ANK3: variants seen among roughly 807,000 people sequenced by gnomAD.
ANK3 encodes ankyrin 3.
In ANK3, 57 loss-of-function variants were observed where a neutral mutation model predicts 370.9. The ratio of observed to expected loss-of-function variants is 0.15; its 90% confidence interval spans 0.12 to 0.19. ANK3 has a LOEUF of 0.19. Ranked by LOEUF, ANK3 falls within the 10% of genes least tolerant of loss-of-function variation. The pLI, the probability that ANK3 is intolerant of heterozygous loss-of-function variation, is 1.00. For missense variants in ANK3, 4,439 were observed against 5,302.1 expected (o/e 0.84, Z 5.06); for synonymous variants, 1,929 against 1,946.3 (o/e 0.99, Z 0.23).
At chr10:60,321,392 G>A (rs1325692848) in intron 1 of ANK3, among the ~76,000 whole-genome samples, 134 of 59,208 alleles carry the variant, frequency 2.3e-3, no homozygotes, top group African/African-American at 7.1e-3. Context: ...AAAAAGAAAA[G>A]AGAAGAGAAG....
intron 2 of ANK3, among the ~76,000 whole-genome samples, chr10:60,428,761 T>C (rs1429274144): frequency 1.3e-5 from 2 of 152,182 alleles, no homozygotes; most frequent in Non-Finnish European, 2.9e-5. Context: ...TCCATGGACA[T>C]AGAACGAACT....
upstream of ANK3, among the ~76,000 whole-genome samples, chr10:60,392,492 A>C (rs1214366032): frequency 6.6e-6 from 1 of 152,190 alleles, no homozygotes; most frequent in Non-Finnish European, 1.5e-5. Context: ...AGGAAACAAC[A>C]GTACAAGGTC....
Position 60,222,846 on chromosome 10 carries a change from T to C in ANK3, c.898-9336A>G, listed in dbSNP as rs2097084623. 3.3e-5 allele frequency among the ~76,000 whole-genome samples: 5 copies of C among 152,298 alleles called. No homozygotes were observed. The South Asian group carries it at 1.0e-3, about 32-fold the overall frequency. On this transcript the variant is annotated intron_variant, in intron 8 of 43. Coordinates refer to ENST00000280772, the MANE Select transcript of ANK3 (RefSeq NM_020987.5). ...CCCACTTCCTACAGGATCCTTACTA[T>C]CTTAGAGCAGAGCATTTCTTTGAAA...
chr10:60,355,011 C>G (rs1347288336), intron 1 of ANK3, among the ~76,000 whole-genome samples: 2 of 152,118 alleles, frequency 1.3e-5, no homozygotes, highest in Admixed American at 6.6e-5. Flanking sequence ...AATCTAAGGA[C>G]AGCTTACAAA....
intron 8 of ANK3, among the ~76,000 whole-genome samples, chr10:60,218,516 G>A (rs760634416): frequency 7.9e-5 from 12 of 152,142 alleles, no homozygotes; most frequent in Non-Finnish European, 1.5e-4. Flanking sequence ...GTCTGTAAAG[G>A]ATTTTACTTC....
intron 2 of ANK3, among the ~76,000 whole-genome samples, chr10:60,448,248 A>G (rs1165759427): frequency 3.9e-5 from 6 of 152,350 alleles, no homozygotes; most frequent in Admixed American, 6.5e-5. Flanking sequence ...GGGAATCGGC[A>G]ATCAGAGAGA....
chr10:60,162,411 T>C, intron 23 of ANK3, among the ~76,000 whole-genome samples: 1 of 152,166 alleles, frequency 6.6e-6, no homozygotes, highest in East Asian at 1.9e-4. Context: ...GTATTTGGGC[T>C]TTCCTACCTC....
intron 2 of ANK3, among the ~76,000 whole-genome samples, chr10:60,593,480 G>T (rs527860428): frequency 6.6e-6 from 1 of 152,062 alleles, no homozygotes; most frequent in African/African-American, 2.4e-5. Context: ...GCAGCTTTAG[G>T]ACAAATAGCC....
intron 2 of ANK3, among the ~76,000 whole-genome samples, chr10:60,510,220 C>CATAT (rs775014294): frequency 1.7e-4 from 26 of 152,004 alleles, no homozygotes; most frequent in Admixed American, 5.9e-4. Flanking sequence ...ACAGAGCTTT[C>CATAT]ATATATATAT....
At chr10:60,250,895 G>T in intron 7 of ANK3, among the ~76,000 whole-genome samples, 1 of 152,220 alleles carries the variant, frequency 6.6e-6, no homozygotes, top group East Asian at 1.9e-4. Context: ...ACAAGAGGCT[G>T]CTGTCAATTC....
At chr10:60,720,054 G>T (rs755235674) in intron 1 of ANK3, among the ~76,000 whole-genome samples, 1 of 152,132 alleles carries the variant, frequency 6.6e-6, no homozygotes, top group Admixed American at 6.5e-5. Flanking sequence ...ATTACAAGAG[G>T]ATGAGAGAAG....
At chr10:60,495,486 T>A (rs1035790294) in intron 2 of ANK3, among the ~76,000 whole-genome samples, 4 of 152,142 alleles carry the variant, frequency 2.6e-5, no homozygotes, top group Non-Finnish European at 4.4e-5. Context: ...TGGCTTGAGT[T>A]CTCATTGAAA....
chr10:60,099,202 TTCTC>T (rs1287494349), intron 28 of ANK3, among the ~76,000 whole-genome samples: 3 of 152,146 alleles, frequency 2.0e-5, no homozygotes, highest in Non-Finnish European at 4.4e-5. Context: ...CAGAAAGTTT[TTCTC>T]TCTCTTGGGT....
intron 2 of ANK3, among the ~76,000 whole-genome samples, chr10:60,557,674 G>A (rs761678044): frequency 1.3e-4 from 20 of 152,048 alleles, no homozygotes; most frequent in Non-Finnish European, 1.3e-4. Flanking sequence ...TAAATTTTAT[G>A]TTATGAGTAT....
At chr10:60,188,174 A>G (rs2096392542) in intron 16 of ANK3, among the ~76,000 whole-genome samples, 1 of 152,232 alleles carries the variant, frequency 6.6e-6, no homozygotes, top group African/African-American at 2.4e-5. Context: ...AATCAAGAGT[A>G]CTAGAGCTTT....
upstream of ANK3, among the ~76,000 whole-genome samples, chr10:60,393,621 C>T (rs1485797901): frequency 6.6e-6 from 1 of 152,160 alleles, no homozygotes; most frequent in African/African-American, 2.4e-5. Context: ...TTAGATATCA[C>T]AGCCAAGTAT....
At chr10:60,465,255 C>A (rs1274016146) in intron 2 of ANK3, among the ~76,000 whole-genome samples, 1 of 138,278 alleles carries the variant, frequency 7.2e-6, no homozygotes, top group Admixed American at 7.5e-5. Flanking sequence ...CAGAGTGAGA[C>A]CTAGTCACCA....
chr10:60,580,171 A>G (rs2077732360), intron 2 of ANK3, among the ~76,000 whole-genome samples: 1 of 152,168 alleles, frequency 6.6e-6, no homozygotes, highest in Non-Finnish European at 1.5e-5. Flanking sequence ...CTTATTTTCT[A>G]TTTTGTAAAT....
intron 4 of ANK3, among the ~76,000 whole-genome samples, chr10:60,278,141 C>T (rs1421018570): frequency 6.6e-6 from 1 of 152,124 alleles, no homozygotes; most frequent in Non-Finnish European, 1.5e-5. Context: ...ATGTTCATTA[C>T]AAAGAATCTG....
Sources: gnomAD v4.1 joint callset for allele counts (sites outside exome capture counted in the v4.1 genomes callset) on GRCh38, gnomAD v4.1.1 for gene constraint, MANE v1.5 for transcripts, NCBI Gene and HGNC (gene_info 2026-07-23, HGNC 2026-07-21) for gene names.